Variants in ELAVL2 observed in about 807,000 individuals in gnomAD.
ELAVL2 encodes ELAV like RNA binding protein 2, also known as ELAV-like protein 2.
A neutral mutation model predicts 34.6 loss-of-function variants in ELAVL2; 4 were observed. The observed-to-expected ratio is 0.12, with a 90% CI of 0.06 to 0.26. The LOEUF (loss-of-function observed/expected upper bound fraction) is 0.26, where lower values mean the gene tolerates loss of function less well. ELAVL2 is among the 10% of genes least tolerant of loss of function. The pLI is 1.00. For missense variants in ELAVL2, 432 were observed against 442.8 expected, an observed-to-expected ratio of 0.98 and a Z score of 0.22; for synonymous variants, 193 against 154.8, an observed-to-expected ratio of 1.25 and a Z score of -1.83.
At chr9:23,790,138 T>C (rs989340826) in intron 1 of ELAVL2, among the ~76,000 whole-genome samples, 3 of 151,028 alleles carry the variant, frequency 2.0e-5, no homozygotes, top group Admixed American at 6.6e-5. Context: ...AGAGGACCAA[T>C]GTAAAAGAGG....
At chr9:23,829,554 T>C (rs2065432939), upstream of ELAVL2, 1 of 152,228 alleles carries the variant, frequency 6.6e-6, no homozygotes, top group African/African-American at 2.4e-5. Context: ...TGTGTTAGTA[T>C]GGTGGAGTAG....
chr9:23,818,824 A>G (rs2064107343), intron 1 of ELAVL2, among the ~76,000 whole-genome samples: 1 of 152,240 alleles, frequency 6.6e-6, no homozygotes, highest in Non-Finnish European at 1.5e-5. Context: ...GTCAGTCTTG[A>G]TAAGAAGCTT....
At chr9:23,742,195 A>T (rs913314334) in intron 2 of ELAVL2, among the ~76,000 whole-genome samples, 4 of 152,202 alleles carry the variant, frequency 2.6e-5, no homozygotes, top group African/African-American at 9.6e-5. Flanking sequence ...TAAACCCAAG[A>T]TGACTACATC....
rs1321297820 is a variant in ELAVL2, at chr9:23,692,426, G to C, written c.*131C>G. On this transcript the variant is annotated 3_prime_UTR_variant, in exon 7 of 7. Coordinates refer to ENST00000397312, the MANE Select transcript of ELAVL2 (RefSeq NM_004432.5). Reference sequence around the variant, plus strand: ...AATAAAAAATCTCACATATTTCTTAGGATGCTAAGTAGTCATTTTATCCCC... The same window carrying C: ...AATAAAAAATCTCACATATTTCTTACGATGCTAAGTAGTCATTTTATCCCC... The C allele has an allele frequency of 3.4e-6, 3 of 890,614 alleles. No homozygotes were observed. The highest frequency in any genetic ancestry group is 1.7e-6 in the Non-Finnish European group (1 of 601,822). The allele number at this position is 890,614 out of a possible 1,614,324, so 55.2% of individuals were successfully genotyped here.
At chr9:23,788,214 A>G (rs1358767382) in intron 1 of ELAVL2, among the ~76,000 whole-genome samples, 2 of 152,224 alleles carry the variant, frequency 1.3e-5, no homozygotes, top group Non-Finnish European at 2.9e-5. Flanking sequence ...ATAACAAGTG[A>G]GTGACAATAA....
Position 23,806,327 on chromosome 9 carries a change from G to A in ELAVL2, c.-16+19479C>T, listed in dbSNP as rs569967060. 3.9e-5 allele frequency among the ~76,000 whole-genome samples: 6 copies of A among 152,080 alleles called. No homozygotes were observed. The South Asian group carries it at 8.3e-4, about 21-fold the overall frequency. On this transcript the variant is annotated intron_variant, in intron 1 of 6. Coordinates refer to ENST00000397312, the MANE Select transcript of ELAVL2 (RefSeq NM_004432.5). Reference sequence around the variant, plus strand: ...TTTAATCTTCATTTTAAAGACATAGGACCTATTAGATTCAAGAAATCAGAC... The same window carrying A: ...TTTAATCTTCATTTTAAAGACATAGAACCTATTAGATTCAAGAAATCAGAC...
At chr9:23,810,275 G>C (rs1236870771) in intron 1 of ELAVL2, among the ~76,000 whole-genome samples, 1 of 152,056 alleles carries the variant, frequency 6.6e-6, no homozygotes, top group Non-Finnish European at 1.5e-5. Context: ...TCACCAGCCT[G>C]TGATGGAAAT....
intron 2 of ELAVL2, among the ~76,000 whole-genome samples, chr9:23,753,941 A>G (rs1252190007): frequency 1.3e-5 from 2 of 152,188 alleles, no homozygotes; most frequent in Non-Finnish European, 2.9e-5. Flanking sequence ...CAACAAAGAG[A>G]AAGGTTACTG....
At chr9:23,742,441 C>T (rs1005481374) in intron 2 of ELAVL2, among the ~76,000 whole-genome samples, 15 of 152,220 alleles carry the variant, frequency 9.9e-5, no homozygotes, top group South Asian at 4.2e-4. Context: ...CTACGTCCTT[C>T]GCATACAATA....
At chr9:23,761,856 TAA>T (rs1480210915) in intron 2 of ELAVL2, 148 bp downstream of exon 2, 16 of 1,138,630 alleles carry the variant, frequency 1.4e-5, no homozygotes, top group Non-Finnish European at 1.8e-5. Flanking sequence ...AATTTTAAAC[TAA>T]GTTTCATATT....
intron 1 of ELAVL2, among the ~76,000 whole-genome samples, chr9:23,763,827 C>G (rs1035636223): frequency 6.6e-6 from 1 of 152,016 alleles, no homozygotes; most frequent in Non-Finnish European, 1.5e-5. Flanking sequence ...AACCTGTAAC[C>G]CCTCTGTGAC....
At chr9:23,833,143 TG>T in the ELAVL2 span, among the ~76,000 whole-genome samples, 1 of 151,948 alleles carries the variant, frequency 6.6e-6, no homozygotes, top group Non-Finnish European at 1.5e-5. Context: ...TTTATGGTTA[TG>T]TAAGCTAACT....
chr9:23,733,524 A>T (rs961200672), intron 2 of ELAVL2, among the ~76,000 whole-genome samples: 2 of 152,192 alleles, frequency 1.3e-5, no homozygotes, highest in African/African-American at 4.8e-5. Context: ...TGCAGGGATG[A>T]CTGCTGTTTC....
At chr9:23,839,832 C>A in the ELAVL2 span, among the ~76,000 whole-genome samples, 4 of 151,984 alleles carry the variant, frequency 2.6e-5, no homozygotes, top group Admixed American at 2.6e-4. Context: ...TATCTTTTAC[C>A]TATTAGACCA....
chr9:23,761,855 C>T (rs1171659518), intron 2 of ELAVL2, 151 bp downstream of exon 2: 1 of 1,132,088 alleles, frequency 8.8e-7, no homozygotes, highest in Non-Finnish European at 1.2e-6. Context: ...AAATTTTAAA[C>T]TAAGTTTCAT....
At chr9:23,820,901 A>C (rs1449561441) in intron 1 of ELAVL2, among the ~76,000 whole-genome samples, 1 of 152,084 alleles carries the variant, frequency 6.6e-6, no homozygotes, top group Admixed American at 6.5e-5. Flanking sequence ...TGTGACCGCG[A>C]GCTGCGACCT....
At chr9:23,745,608 A>G (rs1373989912) in intron 2 of ELAVL2, among the ~76,000 whole-genome samples, 1 of 152,214 alleles carries the variant, frequency 6.6e-6, no homozygotes, top group Non-Finnish European at 1.5e-5. Flanking sequence ...GGAGAACCAA[A>G]GACTGTCCAA....
chr9:23,809,708 C>A (rs2062727107), intron 1 of ELAVL2, among the ~76,000 whole-genome samples: 1 of 152,032 alleles, frequency 6.6e-6, no homozygotes, highest in Admixed American at 6.6e-5. Flanking sequence ...TGAATTTCTC[C>A]TAAAAACACA....
the ELAVL2 span, among the ~76,000 whole-genome samples, chr9:23,835,390 T>C: frequency 6.6e-6 from 1 of 152,140 alleles, no homozygotes; most frequent in Non-Finnish European, 1.5e-5. Context: ...AGTTCCAATC[T>C]ACTTATCACT....
Sources: allele counts gnomAD v4.1 joint callset (sites outside exome capture counted in the v4.1 genomes callset), GRCh38; gene constraint gnomAD v4.1.1; transcripts MANE v1.5; gene names NCBI Gene and HGNC (gene_info 2026-07-23, HGNC 2026-07-21).